Variants in PPM1B observed in about 807,000 individuals in gnomAD.
PPM1B encodes protein phosphatase, Mg2+/Mn2+ dependent 1B, also known as protein phosphatase 1B.
Under a neutral mutation model 43.0 loss-of-function variants are expected in PPM1B, and 22 were observed. The observed-to-expected ratio is 0.51, with a 90% CI of 0.37 to 0.73. The LOEUF (loss-of-function observed/expected upper bound fraction) is 0.73. Among genes scored for constraint, PPM1B ranks in the 30% least tolerant of loss-of-function variants. The pLI is 0.00. For synonymous variants in PPM1B, 217 were observed against 197.9 expected, an observed-to-expected ratio of 1.10 and a Z score of -0.81; for missense variants, 632 against 584.2, an observed-to-expected ratio of 1.08 and a Z score of -0.84.
intron 3 of PPM1B, among the ~76,000 whole-genome samples, chr2:44,210,153 A>T (rs990676345): frequency 6.6e-6 from 1 of 151,860 alleles, no homozygotes; most frequent in African/African-American, 2.4e-5. Flanking sequence ...TTATTGATAG[A>T]GTTAACATTA....
downstream of PPM1B, chr2:44,232,653 G>A (rs560563627): frequency 4.0e-5 from 47 of 1,170,326 alleles, no homozygotes; most frequent in South Asian, 1.3e-3. Flanking sequence ...TGCCTGAGGT[G>A]CATGGGAAAT....
intron 5 of PPM1B, among the ~76,000 whole-genome samples, chr2:44,220,706 G>T (rs1031417051): frequency 6.6e-6 from 1 of 152,178 alleles, no homozygotes; most frequent in African/African-American, 2.4e-5. Context: ...GTATAGCTTG[G>T]TAACAAATAA....
intron 1 of PPM1B, among the ~76,000 whole-genome samples, chr2:44,172,516 A>AT (rs1218122488): frequency 1.3e-5 from 2 of 152,108 alleles, no homozygotes; most frequent in Non-Finnish European, 2.9e-5. Flanking sequence ...CATAATGTGT[A>AT]TTTTTTCTTT....
intron 5 of PPM1B, among the ~76,000 whole-genome samples, chr2:44,221,861 T>C (rs924211837): frequency 6.6e-6 from 1 of 152,138 alleles, no homozygotes; most frequent in Non-Finnish European, 1.5e-5. Context: ...AGGTTACTAT[T>C]TAGGGGAAAC....
At chr2:44,181,059 C>G (rs1667850761) in intron 1 of PPM1B, among the ~76,000 whole-genome samples, 1 of 152,020 alleles carries the variant, frequency 6.6e-6, no homozygotes, top group Non-Finnish European at 1.5e-5. Flanking sequence ...GTCGTCCTAC[C>G]CCAGCCTCCC....
At chr2:44,170,042 A>G (rs775495833) in intron 1 of PPM1B, among the ~76,000 whole-genome samples, 1 of 152,240 alleles carries the variant, frequency 6.6e-6, no homozygotes, top group African/African-American at 2.4e-5. Flanking sequence ...AAGTGTGAAA[A>G]TAACACCGAA....
intron 1 of PPM1B, among the ~76,000 whole-genome samples, chr2:44,194,921 C>T (rs796252065): frequency 8.1e-6 from 1 of 124,062 alleles, no homozygotes; most frequent in African/African-American, 3.1e-5. Flanking sequence ...TTTTTTGAGA[C>T]GGAATCTTAC....
Position 44,201,519 on chromosome 2 carries a change from G to T in PPM1B, c.320G>T (p.Arg107Ile), listed in dbSNP as rs1296800858. ...LSVENVKNGI[R>I]TGFLKIDEYM... ...GTGGAAAATGTTAAGAATGGTATCA[G>T]AACTGGATTTTTGAAAATTGATGAA... The change falls in exon 2 of 6, where the codon AGA becomes ATA. Residue 107 changes from arginine to isoleucine, a missense_variant. Arg to Ile is a moderately conservative substitution (Grantham distance 97). Coordinates refer to ENST00000282412, the MANE Select transcript of PPM1B (RefSeq NM_002706.6). This position sits in a 1 kb window ranked among gnomAD's most constrained non-coding sequence, Gnocchi z 5.4. 1 of 1,614,218 alleles carries T rather than the reference G, an allele frequency of 6.2e-7. No homozygotes were observed. Among genetic ancestry groups the T allele is most frequent in the Non-Finnish European group, 8.5e-7 (1 of 1,180,040 alleles).
At chr2:44,209,839 A>C (rs954297686) in intron 3 of PPM1B, among the ~76,000 whole-genome samples, 4 of 151,984 alleles carry the variant, frequency 2.6e-5, no homozygotes, top group Non-Finnish European at 5.9e-5. Flanking sequence ...CCTTGAAAAA[A>C]CACATCTATC....
At position 44,231,285 on chromosome 2, in the gene PPM1B, C is replaced by T. The variant is rs979311601; in HGVS notation, c.*567C>T. On this transcript the variant is annotated 3_prime_UTR_variant, in exon 6 of 6. Coordinates refer to ENST00000282412, the MANE Select transcript of PPM1B (RefSeq NM_002706.6). ...AAGTTGTGAGATATTGGATGTGTGG[C>T]TATTTTTCCTTTCTCTGTATTCTTT... The T allele has an allele frequency of 1.9e-5, 19 of 977,582 alleles. No homozygotes were observed. Among genetic ancestry groups the T allele is most frequent in the Admixed American group, 6.2e-5 (1 of 16,236 alleles). The allele number at this position is 977,582 out of a possible 1,614,324, so 60.6% of individuals were successfully genotyped here. A position where few individuals can be genotyped will look rare whatever the true frequency, so the allele number is the denominator to read the frequency against.
chr2:44,197,981 C>A (rs992495816), intron 1 of PPM1B, among the ~76,000 whole-genome samples: 2 of 152,060 alleles, frequency 1.3e-5, no homozygotes, highest in Non-Finnish European at 2.9e-5. Flanking sequence ...ATCCATGAGC[C>A]TGAAGCATCC....
chr2:44,245,828 C>T (rs1182297635), downstream of PPM1B, among the ~76,000 whole-genome samples: 2 of 152,214 alleles, frequency 1.3e-5, no homozygotes, highest in African/African-American at 2.4e-5. Context: ...GCCAAAAACT[C>T]CTGTCTCTGC....
intron 1 of PPM1B, among the ~76,000 whole-genome samples, chr2:44,182,193 A>G (rs1351252582): frequency 3.3e-5 from 5 of 152,198 alleles, no homozygotes; most frequent in Admixed American, 6.5e-5. Context: ...ATCGTGAGAA[A>G]CATTCTCTAT....
intron 5 of PPM1B, among the ~76,000 whole-genome samples, chr2:44,228,121 A>G (rs1572756529): frequency 7.0e-6 from 1 of 142,326 alleles, no homozygotes; most frequent in Non-Finnish European, 1.5e-5. Context: ...ATAGGGTTTC[A>G]CCATCTTGGC....
At chr2:44,237,863 GC>G (rs1251274061), downstream of PPM1B, among the ~76,000 whole-genome samples, 9 of 151,204 alleles carry the variant, frequency 6.0e-5, no homozygotes, top group South Asian at 1.7e-3. Context: ...AGGTGGTTTT[GC>G]TTCATTCCTA....
chr2:44,218,598 G>A, intron 5 of PPM1B, 61 bp downstream of exon 5: 1 of 1,134,274 alleles, frequency 8.8e-7, no homozygotes, highest in Non-Finnish European at 1.3e-6. Context: ...TACTAAATAT[G>A]AATACATTCA....
chr2:44,240,526 C>A (rs1670722213), intron 5 of PPM1B, among the ~76,000 whole-genome samples: 1 of 144,960 alleles, frequency 6.9e-6, no homozygotes, highest in African/African-American at 2.5e-5. Flanking sequence ...TTATGTTCGT[C>A]ATTTTGCATT....
chr2:44,206,651 G>A (rs1669203420), intron 2 of PPM1B, among the ~76,000 whole-genome samples: 1 of 150,064 alleles, frequency 6.7e-6, no homozygotes, highest in South Asian at 2.1e-4. Context: ...AAAGAAATTA[G>A]ATTTCTAAAA....
Position 44,214,102 on chromosome 2 carries a change from C to G in PPM1B, c.965-3865C>G, listed in dbSNP as rs1430886446. Among the ~76,000 whole-genome samples the G allele has an allele frequency of 1.2e-4, 19 of 152,128 alleles. 1 individual carries two copies. Among genetic ancestry groups the G allele is most frequent in the Admixed American group, 1.1e-3 (17 of 15,276 alleles). On this transcript the variant is annotated intron_variant, in intron 3 of 5. Transcript: ENST00000282412. ...CCATAGAGTTTTTTGTTTTTTGAGA[C>G]AGAGTCTCGCACTGTCACCCAGGCT... is the stretch of plus-strand genomic sequence containing the variant.
Sources: allele counts gnomAD v4.1 joint callset (sites outside exome capture counted in the v4.1 genomes callset), GRCh38; gene constraint gnomAD v4.1.1; non-coding constraint Gnocchi (gnomAD v3.1); transcripts MANE v1.5; gene names NCBI Gene and HGNC (gene_info 2026-07-23, HGNC 2026-07-21).